Variants in ZNF804B observed in about 807,000 individuals in gnomAD.
The protein encoded by ZNF804B is zinc finger 804B.
In ZNF804B, 80 loss-of-function variants were observed where a neutral mutation model predicts 101.4. The ratio of observed to expected loss-of-function variants is 0.79; its 90% CI spans 0.66 to 0.95. The LOEUF (loss-of-function observed/expected upper bound fraction) is 0.95. Ranked by LOEUF, ZNF804B falls within the 40% of genes least tolerant of loss-of-function variation. The probability of loss-of-function intolerance (pLI) is 0.00; values close to 1 mark genes in which losing one functional copy is unlikely to be tolerated. For missense variants in ZNF804B, 1,673 were observed against 1,561.9 expected, an observed-to-expected ratio of 1.07 and a Z score of -1.20; for synonymous variants, 622 against 558.8, an observed-to-expected ratio of 1.11 and a Z score of -1.59.
chr7:89,148,040 C>G (rs1461890246), intron 1 of ZNF804B, among the ~76,000 whole-genome samples: 3 of 151,976 alleles, frequency 2.0e-5, no homozygotes, highest in East Asian at 1.9e-4. Context: ...TTCATGAAAC[C>G]AATCCCTGGT....
chr7:89,035,734 T>A (rs944810795), intron 1 of ZNF804B, among the ~76,000 whole-genome samples: 1 of 151,472 alleles, frequency 6.6e-6, no homozygotes, highest in Non-Finnish European at 1.5e-5. Flanking sequence ...GTTGGCAGAT[T>A]CCAAAATCTA....
At chr7:89,164,715 A>G (rs1791115576) in intron 1 of ZNF804B, among the ~76,000 whole-genome samples, 1 of 152,140 alleles carries the variant, frequency 6.6e-6, no homozygotes, top group Non-Finnish European at 1.5e-5. Flanking sequence ...GAACTTTCTA[A>G]AATTTCTTCT....
intron 1 of ZNF804B, among the ~76,000 whole-genome samples, chr7:88,873,566 A>T (rs1319406106): frequency 6.6e-6 from 1 of 152,114 alleles, no homozygotes; most frequent in Non-Finnish European, 1.5e-5. Context: ...CTGAATGGTA[A>T]TGCCTAGGTT....
chr7:89,257,770 C>A (rs958724174), intron 2 of ZNF804B, among the ~76,000 whole-genome samples: 5 of 152,150 alleles, frequency 3.3e-5, no homozygotes. Flanking sequence ...TCCTCCAACT[C>A]TCCATCAAGT....
At chr7:88,811,644 A>T (rs998835051) in intron 1 of ZNF804B, among the ~76,000 whole-genome samples, 1 of 152,228 alleles carries the variant, frequency 6.6e-6, no homozygotes, top group East Asian at 1.9e-4. Context: ...ATGCAGCTAT[A>T]AAAAAGAATG....
intron 1 of ZNF804B, among the ~76,000 whole-genome samples, chr7:88,786,417 A>T (rs576717943): frequency 6.6e-6 from 1 of 152,222 alleles, no homozygotes; most frequent in East Asian, 1.9e-4. Flanking sequence ...GAAGAAATTA[A>T]GCTCAATAAG....
chr7:89,249,565 A>T (rs950156707), intron 2 of ZNF804B, among the ~76,000 whole-genome samples: 5 of 152,060 alleles, frequency 3.3e-5, no homozygotes, highest in African/African-American at 9.7e-5. Flanking sequence ...GGCAGAAATT[A>T]AAAAAAATTA....
At chr7:89,292,736 T>C (rs965631290) in intron 2 of ZNF804B, among the ~76,000 whole-genome samples, 1 of 152,030 alleles carries the variant, frequency 6.6e-6, no homozygotes, top group African/African-American at 2.4e-5. Context: ...GTTATTTACA[T>C]TCTACAAATT....
At position 88,845,299 on chromosome 7, in the gene ZNF804B, G is replaced by GCACA. The variant is rs369657042; in HGVS notation, c.108+85216_108+85217insACAC. On this transcript the variant is annotated intron_variant, in intron 1 of 3. Transcript: ENST00000333190. ...TGTGCGCACGCGCGCGCGCACGCGC[G>GCACA]CGCACACACACACACACACACAATA... 9.8e-3 allele frequency among the ~76,000 whole-genome samples: 1,358 copies of GCACA among 138,490 alleles called. 16 individuals are homozygous for GCACA. Among genetic ancestry groups the GCACA allele is most frequent in the African/African-American group, 0.025 (983 of 38,928 alleles). The allele number at this position is 138,490 out of a possible 152,430, so 90.9% of individuals were successfully genotyped here. A position where few individuals can be genotyped will look rare whatever the true frequency, so the allele number is the denominator to read the frequency against.
At chr7:89,029,114 T>A (rs1445156913) in intron 1 of ZNF804B, among the ~76,000 whole-genome samples, 1 of 152,124 alleles carries the variant, frequency 6.6e-6, no homozygotes, top group East Asian at 1.9e-4. Context: ...TATTTGTTTG[T>A]TTGTTTTGAG....
At chr7:88,956,954 C>A (rs532398956) in intron 1 of ZNF804B, among the ~76,000 whole-genome samples, 1 of 151,600 alleles carries the variant, frequency 6.6e-6, no homozygotes, top group Admixed American at 6.6e-5. Flanking sequence ...AACTTATTTT[C>A]TTCCTTATAG....
chr7:88,919,201 T>C (rs940799200), intron 1 of ZNF804B, among the ~76,000 whole-genome samples: 1 of 152,152 alleles, frequency 6.6e-6, no homozygotes, highest in African/African-American at 2.4e-5. Context: ...CTGAAGCTTA[T>C]TCATGTAAAC....
intron 1 of ZNF804B, among the ~76,000 whole-genome samples, chr7:89,173,458 C>A (rs982960687): frequency 1.3e-5 from 2 of 151,860 alleles, no homozygotes; most frequent in African/African-American, 4.8e-5. Flanking sequence ...ACTCAGCAAT[C>A]CCACTTTAGA....
At chr7:89,087,282 A>G (rs1472925010) in intron 1 of ZNF804B, among the ~76,000 whole-genome samples, 1 of 151,886 alleles carries the variant, frequency 6.6e-6, no homozygotes, top group Non-Finnish European at 1.5e-5. Context: ...TTTAAATTGT[A>G]GCTGCCCAAA....
chr7:89,029,024 A>T (rs1788789559), intron 1 of ZNF804B, among the ~76,000 whole-genome samples: 1 of 152,182 alleles, frequency 6.6e-6, no homozygotes, highest in South Asian at 2.1e-4. Context: ...TATGAGCTTG[A>T]CATAGAACCA....
At chr7:89,003,988 A>G (rs928229487) in intron 1 of ZNF804B, among the ~76,000 whole-genome samples, 1 of 151,424 alleles carries the variant, frequency 6.6e-6, no homozygotes, top group Non-Finnish European at 1.5e-5. Flanking sequence ...GTTTATTTAA[A>G]TTAAAAAGTA....
chr7:88,825,237 C>T (rs1368622614), intron 1 of ZNF804B, among the ~76,000 whole-genome samples: 1 of 152,098 alleles, frequency 6.6e-6, no homozygotes, highest in Non-Finnish European at 1.5e-5. Context: ...ACTTTATCAG[C>T]AAAGCTAGAG....
intron 1 of ZNF804B, among the ~76,000 whole-genome samples, chr7:89,017,982 C>A (rs1045243932): frequency 6.6e-6 from 1 of 152,014 alleles, no homozygotes; most frequent in Non-Finnish European, 1.5e-5. Context: ...CTGACTTCTT[C>A]CTTTTTAGTT....
At chr7:89,207,766 A>C (rs1169040648) in intron 1 of ZNF804B, among the ~76,000 whole-genome samples, 1 of 152,196 alleles carries the variant, frequency 6.6e-6, no homozygotes, top group Non-Finnish European at 1.5e-5. Context: ...CAATCAGTCA[A>C]ATGTATTCGT....
Sources: gnomAD v4.1 joint callset for allele counts (sites outside exome capture counted in the v4.1 genomes callset) on GRCh38, gnomAD v4.1.1 for gene constraint, MANE v1.5 for transcripts, NCBI Gene and HGNC (gene_info 2026-07-23, HGNC 2026-07-21) for gene names.